Variants in PPFIBP2 observed in about 807,000 individuals in gnomAD.
The protein encoded by PPFIBP2 is PPFIB scaffold protein 2.
Under a neutral mutation model 118.3 loss-of-function variants are expected in PPFIBP2, and 118 were observed. That is an observed-to-expected ratio of 1.00 (90% CI 0.86 to 1.16). The LOEUF (loss-of-function observed/expected upper bound fraction) is 1.16, where lower values mean the gene tolerates loss of function less well. Among genes scored for constraint, PPFIBP2 ranks in the 50% most tolerant of loss-of-function variants. The pLI, the probability that PPFIBP2 is intolerant of heterozygous loss-of-function variation, is 0.00. For missense variants in PPFIBP2, 1,195 were observed against 1,073.1 expected, an observed-to-expected ratio of 1.11 and a Z score of -1.59; for synonymous variants, 414 against 397.4, an observed-to-expected ratio of 1.04 and a Z score of -0.50.
intron 11 of PPFIBP2, chr11:7,632,336 T>C (rs7113054): frequency 0.19 from 30,217 of 155,374 alleles, 3,367 homozygotes; most frequent in East Asian, 0.58. Context: ...TATTCTGTTA[T>C]CCTAGTGTAC....
At chr11:7,588,961 G>A (rs1360219676) in intron 3 of PPFIBP2, among the ~76,000 whole-genome samples, 2 of 152,202 alleles carry the variant, frequency 1.3e-5, no homozygotes, top group African/African-American at 4.8e-5. Context: ...AGATCACATG[G>A]TTCTCACTAT....
chr11:7,636,560 T>G (rs1851477129), intron 14 of PPFIBP2, among the ~76,000 whole-genome samples: 1 of 152,042 alleles, frequency 6.6e-6, no homozygotes, highest in African/African-American at 2.4e-5. Context: ...AGCTGTTAAA[T>G]CGCTCAGCAG....
intron 1 of PPFIBP2, among the ~76,000 whole-genome samples, chr11:7,516,477 G>A (rs1482494581): frequency 6.6e-6 from 1 of 152,156 alleles, no homozygotes; most frequent in Non-Finnish European, 1.5e-5. Flanking sequence ...CCTTTAGACT[G>A]TAATGTTTAA....
chr11:7,563,724 ACCATAT>A (rs1854611145), intron 2 of PPFIBP2, among the ~76,000 whole-genome samples: 1 of 152,098 alleles, frequency 6.6e-6, no homozygotes, highest in Non-Finnish European at 1.5e-5. Flanking sequence ...CACCACCTAA[ACCATAT>A]TTTCTAAAGT....
At chr11:7,585,817 T>G (rs1380374057) in intron 3 of PPFIBP2, among the ~76,000 whole-genome samples, 1 of 152,216 alleles carries the variant, frequency 6.6e-6, no homozygotes, top group Non-Finnish European at 1.5e-5. Flanking sequence ...TTAACTTGGC[T>G]GAAAAGTTCA....
In PPFIBP2 at chr11:7,625,764, G is replaced by C. The variant is rs756434897; in HGVS notation, c.712-13G>C. On this transcript the variant is annotated splice_polypyrimidine_tract_variant and intron_variant, in intron 7 of 23. Coordinates refer to ENST00000299492, the MANE Select transcript of PPFIBP2 (RefSeq NM_003621.5). ...CCTTCTGACCTGGTAGGGATCCTCT[G>C]TTGCTCTTCCAGGCTGAAGTCGCCC... The C allele has an allele frequency of 8.1e-6, 13 of 1,612,600 alleles. No homozygotes were observed. The East Asian group carries it at 2.7e-4, about 33-fold the overall frequency.
the PPFIBP2 span, chr11:7,665,188 C>T: frequency 2.0e-6 from 1 of 489,948 alleles, no homozygotes; most frequent in Non-Finnish European, 3.6e-6. Flanking sequence ...AAGGAGGCCC[C>T]AGCAGCCAGT....
At chr11:7,570,175 C>T (rs554579740) in intron 3 of PPFIBP2, among the ~76,000 whole-genome samples, 10 of 152,164 alleles carry the variant, frequency 6.6e-5, no homozygotes, top group Middle Eastern at 3.4e-3. Flanking sequence ...TGGCATAGAT[C>T]TTTGGCTAGG....
chr11:7,549,666 T>G, intron 2 of PPFIBP2, 127 bp downstream of exon 2: 1 of 1,006,910 alleles, frequency 9.9e-7, no homozygotes. Context: ...TATTTTTCAG[T>G]GGTGTTATTG....
At chr11:7,641,324 C>G (rs1852161619) in intron 15 of PPFIBP2, among the ~76,000 whole-genome samples, 155 bp from the exon 16 acceptor site, 1 of 152,234 alleles carries the variant, frequency 6.6e-6, no homozygotes, top group Admixed American at 6.5e-5. Context: ...GGAGTCCCCA[C>G]TAGTCTCTGG....
Position 7,545,444 on chromosome 11 carries a change from A to G in PPFIBP2, c.-36-3996A>G, listed in dbSNP as rs150070925. Among the ~76,000 whole-genome samples, 82 of 152,306 alleles carry G rather than the reference A, an allele frequency of 5.4e-4. 1 individual carries two copies. The highest frequency in any genetic ancestry group is 1.1e-3 in the Non-Finnish European group (72 of 68,012). On this transcript the variant is annotated intron_variant, in intron 1 of 23. Coordinates refer to ENST00000299492, the MANE Select transcript of PPFIBP2 (RefSeq NM_003621.5). The stretch of plus-strand genomic sequence containing the variant: ...GACCCTGTCTCAAACAAAAACAAAA[A>G]CAAAACAAAACAAAAAATCACATTC...
chr11:7,567,535 C>T (rs1855143487), intron 3 of PPFIBP2, among the ~76,000 whole-genome samples: 1 of 152,188 alleles, frequency 6.6e-6, no homozygotes, highest in African/African-American at 2.4e-5. Context: ...CATGGCGAAG[C>T]AAGTACTTTT....
At position 7,653,300 on chromosome 11, in the gene PPFIBP2, C is replaced by T. The variant is rs377463414; in HGVS notation, c.*82C>T. On this transcript the variant is annotated 3_prime_UTR_variant, in exon 24 of 24. Coordinates refer to ENST00000299492, the MANE Select transcript of PPFIBP2 (RefSeq NM_003621.5). The stretch of plus-strand genomic sequence containing the variant: ...TCACCATATAACTGCACCTCACCCC[C>T]GCACGTGTGCATGACTCGCAGAGAA... The T allele has an allele frequency of 5.9e-5, 93 of 1,581,266 alleles. No homozygotes were observed. Among genetic ancestry groups the T allele is most frequent in the East Asian group, 1.4e-4 (6 of 44,232 alleles).
chr11:7,519,982 CAG>C (rs1218010206), intron 1 of PPFIBP2, among the ~76,000 whole-genome samples: 1 of 152,182 alleles, frequency 6.6e-6, no homozygotes, highest in East Asian at 1.9e-4. Flanking sequence ...TTCCTTTGTC[CAG>C]CTGCTGTGGC....
intron 3 of PPFIBP2, among the ~76,000 whole-genome samples, chr11:7,585,299 C>T (rs1250129091): frequency 6.6e-6 from 1 of 152,224 alleles, no homozygotes; most frequent in Non-Finnish European, 1.5e-5. Flanking sequence ...TGAGAAGCAA[C>T]TGTTGGCTTC....
In PPFIBP2 at chr11:7,642,172, G is replaced by C. The variant is rs73396634; in HGVS notation, c.1518-126G>C. ...GTTGTGATCCTTGATCTCTGGGAAG[G>C]TACGGAGAAGCAGTGCTGCCGAGAG... On this transcript the variant is annotated intron_variant, in intron 16 of 23. Transcript: ENST00000299492. 3.2e-3 allele frequency: 3,590 copies of C among 1,114,746 alleles called. 88 individuals are homozygous for C. The African/African-American group carries it at 0.05, about 16-fold the overall frequency. 69.1% of individuals were successfully genotyped at this position (1,114,746 alleles called of 1,614,324 possible).
In PPFIBP2 at chr11:7,578,755, C is replaced by A. The variant is rs150028563; in HGVS notation, c.279+12988C>A. On this transcript the variant is annotated intron_variant, in intron 3 of 23. Coordinates refer to ENST00000299492, the MANE Select transcript of PPFIBP2 (RefSeq NM_003621.5). ...CAGGGAGTTTGAGGAAATTATACTT[C>A]GCTGAAAACTGAAAGAGCAGTAAGA... Among the ~76,000 whole-genome samples, 1,154 of 152,118 alleles carry A rather than the reference C, an allele frequency of 7.6e-3. 29 individuals carry two copies. The highest frequency in any genetic ancestry group is 0.035 in the Admixed American group (539 of 15,272).
Position 7,651,768 on chromosome 11 carries a change from C to G in PPFIBP2, c.2360C>G (p.Pro787Arg), listed in dbSNP as rs113800679. 1 of 1,614,068 alleles carries G rather than the reference C, an allele frequency of 6.2e-7. No homozygotes were observed. The change falls in exon 23 of 24, where the codon CCG becomes CGG. Residue 787 changes from proline to arginine, a missense_variant. Coordinates refer to ENST00000299492, the MANE Select transcript of PPFIBP2 (RefSeq NM_003621.5). ...LTTKFNALIG[P>R]EAEQEKREKM... ...ACCAAGTTCAATGCCTTGATTGGTCCGGAGGCTGAACAGGAGAAGCGAGAG... is the reference window on the plus strand; with the variant it reads ...ACCAAGTTCAATGCCTTGATTGGTCGGGAGGCTGAACAGGAGAAGCGAGAG...
intron 1 of PPFIBP2, among the ~76,000 whole-genome samples, chr11:7,531,770 G>T (rs182402720): frequency 1.4e-4 from 22 of 152,252 alleles, no homozygotes; most frequent in African/African-American, 5.3e-4. Context: ...AGAACTCTAA[G>T]ATCAGGGTGT....
Sources: allele counts gnomAD v4.1 joint callset (sites outside exome capture counted in the v4.1 genomes callset), GRCh38; gene constraint gnomAD v4.1.1; transcripts MANE v1.5; gene names NCBI Gene and HGNC (gene_info 2026-07-23, HGNC 2026-07-21).